The following GAS2 variants were observed in gnomAD, a reference collection of about 807,000 sequenced individuals.
The protein encoded by GAS2 is growth arrest-specific protein 2.
A neutral mutation model predicts 37.5 loss-of-function variants in GAS2; 20 were observed. That is an observed-to-expected ratio of 0.53 (90% CI 0.37 to 0.77). GAS2 has a LOEUF of 0.77. Ranked by LOEUF, GAS2 falls within the 30% of genes least tolerant of loss-of-function variation. The probability of loss-of-function intolerance (pLI) is 0.00; values close to 1 mark genes in which losing one functional copy is unlikely to be tolerated. For missense variants in GAS2, 336 were observed against 373.4 expected (o/e 0.90, Z 0.82); for synonymous variants, 144 against 132.2 (o/e 1.09, Z -0.61).
intron 3 of GAS2, among the ~76,000 whole-genome samples, chr11:22,721,568 C>T (rs1204768858): frequency 1.3e-5 from 2 of 151,968 alleles, no homozygotes; most frequent in African/African-American, 4.8e-5. Flanking sequence ...ATTCACTTCT[C>T]CCACTATGAA....
chr11:22,732,304 G>A (rs1415826511), intron 4 of GAS2, among the ~76,000 whole-genome samples: 1 of 151,544 alleles, frequency 6.6e-6, no homozygotes, highest in Non-Finnish European at 1.5e-5. Flanking sequence ...TTTTTTCCAG[G>A]ATATTTCTCA....
rs114280085 is a variant in GAS2, at chr11:22,737,156, A to G, written c.410-549A>G. ...CTAAAATATTATTTAATCAGATTTG[A>G]TTAGAAGGGCACATGAAGTGACAGG... On this transcript the variant is annotated intron_variant, in intron 4 of 7. Coordinates refer to ENST00000454584, the MANE Select transcript of GAS2 (RefSeq NM_001143830.3). 4.5e-3 allele frequency among the ~76,000 whole-genome samples: 684 copies of G among 152,272 alleles called. 9 individuals carry two copies. Among genetic ancestry groups the G allele is most frequent in the African/African-American group, 0.015 (641 of 41,550 alleles).
chr11:22,782,980 G>A (rs927088545), intron 7 of GAS2, among the ~76,000 whole-genome samples: 3 of 152,182 alleles, frequency 2.0e-5, no homozygotes, highest in African/African-American at 7.2e-5. Flanking sequence ...GGATTGCTGG[G>A]TCAAATAGTG....
chr11:22,700,574 G>C (rs1024981215), intron 3 of GAS2, among the ~76,000 whole-genome samples: 1 of 152,156 alleles, frequency 6.6e-6, no homozygotes, highest in African/African-American at 2.4e-5. Flanking sequence ...AGAAAAAGTG[G>C]ATCTTGGAGG....
upstream of GAS2, among the ~76,000 whole-genome samples, chr11:22,661,894 G>A (rs562981917): frequency 3.4e-4 from 51 of 152,162 alleles, no homozygotes; most frequent in African/African-American, 1.2e-3. Flanking sequence ...AACAAATTTA[G>A]CAGCTCTCTA....
At chr11:22,709,147 C>T (rs756610707) in intron 3 of GAS2, among the ~76,000 whole-genome samples, 1 of 151,400 alleles carries the variant, frequency 6.6e-6, no homozygotes, top group African/African-American at 2.4e-5. Flanking sequence ...TCAAATTTTC[C>T]ATTTGAAAAC....
chr11:22,711,963 G>A (rs1321152802), intron 3 of GAS2, among the ~76,000 whole-genome samples: 2 of 152,100 alleles, frequency 1.3e-5, no homozygotes, highest in Non-Finnish European at 2.9e-5. Flanking sequence ...TGGGAGCTGT[G>A]TGACCCTGTC....
At chr11:22,632,184 C>G (rs1487450208) in intron 1 of GAS2, among the ~76,000 whole-genome samples, 4 of 151,962 alleles carry the variant, frequency 2.6e-5, no homozygotes, top group Admixed American at 2.6e-4. Context: ...ATTTTCATTT[C>G]TAATTTAGCT....
intron 7 of GAS2, among the ~76,000 whole-genome samples, chr11:22,795,126 C>T (rs1344601826): frequency 1.1e-4 from 17 of 152,162 alleles, no homozygotes; most frequent in Admixed American, 1.1e-3. Context: ...ATATACAATA[C>T]AGAGTGCTCT....
At chr11:22,740,228 C>T (rs1231464898) in intron 5 of GAS2, among the ~76,000 whole-genome samples, 2 of 152,112 alleles carry the variant, frequency 1.3e-5, no homozygotes, top group East Asian at 1.9e-4. Context: ...TAGTTCCTCC[C>T]ACCCAAATAT....
chr11:22,675,043 C>T, intron 2 of GAS2, 29 bp downstream of exon 2: 1 of 1,606,012 alleles, frequency 6.2e-7, no homozygotes, highest in Admixed American at 1.7e-5. Flanking sequence ...ATTTTGTGAG[C>T]AAAGACAACA....
intron 3 of GAS2, among the ~76,000 whole-genome samples, chr11:22,710,276 A>G (rs1201461986): frequency 6.6e-6 from 1 of 152,174 alleles, no homozygotes; most frequent in Non-Finnish European, 1.5e-5. Context: ...CTTGGAATCC[A>G]TCTATTAAAA....
intron 3 of GAS2, among the ~76,000 whole-genome samples, chr11:22,724,559 T>C (rs1318417674): frequency 6.6e-6 from 1 of 152,092 alleles, no homozygotes; most frequent in Non-Finnish European, 1.5e-5. Context: ...CTATTTCTGA[T>C]TGTTTTTGTA....
At chr11:22,790,386 C>A (rs1423489518) in intron 7 of GAS2, among the ~76,000 whole-genome samples, 3 of 152,180 alleles carry the variant, frequency 2.0e-5, no homozygotes, top group Non-Finnish European at 4.4e-5. Context: ...CTACTCAGTG[C>A]TGTGTACAGA....
At chr11:22,799,381 A>T (rs1856563852) in intron 7 of GAS2, among the ~76,000 whole-genome samples, 1 of 152,074 alleles carries the variant, frequency 6.6e-6, no homozygotes, top group Non-Finnish European at 1.5e-5. Context: ...CATTCCAGGT[A>T]TAATAAGAAC....
intron 3 of GAS2, among the ~76,000 whole-genome samples, chr11:22,712,598 A>G (rs1851461403): frequency 1.3e-5 from 2 of 152,202 alleles, no homozygotes; most frequent in Admixed American, 1.3e-4. Context: ...TACCTAAATG[A>G]GAAGAAACTA....
intron 3 of GAS2, among the ~76,000 whole-genome samples, chr11:22,721,248 C>T (rs1851933200): frequency 1.3e-5 from 2 of 152,012 alleles, no homozygotes; most frequent in African/African-American, 4.8e-5. Context: ...TAAGTCAGTA[C>T]CTCCTGCGTG....
Position 22,789,439 on chromosome 11 carries a change from T to TATATATATAA in GAS2, c.724-22350_724-22349insAATATATATA, listed in dbSNP as rs1564889887. 1.3e-4 allele frequency among the ~76,000 whole-genome samples: 13 copies of TATATATATAA among 99,530 alleles called. 2 individuals carry two copies. The highest frequency in any genetic ancestry group is 4.5e-4 in the African/African-American group (13 of 28,590). 65.3% of individuals were successfully genotyped at this position (99,530 alleles called of 152,430 possible). A position where few individuals can be genotyped will look rare whatever the true frequency, so the allele number is the denominator to read the frequency against. On this transcript the variant is annotated intron_variant, in intron 7 of 7. Transcript: ENST00000454584. ...ATCTCATATGAGATATATATATATA[T>TATATATATAA]ATATATATATATATATTCTTTTTTT...
intron 7 of GAS2, among the ~76,000 whole-genome samples, chr11:22,791,890 A>G (rs1453692225): frequency 2.0e-5 from 3 of 152,212 alleles, no homozygotes. Flanking sequence ...ATTAGGAAAT[A>G]TAAGTTAGAC....
Sources: gnomAD v4.1 joint callset for allele counts (sites outside exome capture counted in the v4.1 genomes callset) on GRCh38, gnomAD v4.1.1 for gene constraint, MANE v1.5 for transcripts, NCBI Gene and HGNC (gene_info 2026-07-23, HGNC 2026-07-21) for gene names.